The following PRDM13 variants were observed in gnomAD, a reference collection of about 807,000 sequenced individuals.
PRDM13 encodes PR domain zinc finger protein 13.
A neutral mutation model predicts 36.4 loss-of-function variants in PRDM13; 15 were observed. The observed-to-expected ratio is 0.41, with a 90% CI of 0.28 to 0.64. The LOEUF (loss-of-function observed/expected upper bound fraction) is 0.64, where lower values mean the gene tolerates loss of function less well. Ranked by LOEUF, PRDM13 falls within the 30% of genes least tolerant of loss-of-function variation. The probability of loss-of-function intolerance (pLI) is 0.29; values close to 1 mark genes in which losing one functional copy is unlikely to be tolerated. For synonymous variants in PRDM13, 531 were observed against 467.7 expected, an observed-to-expected ratio of 1.14 and a Z score of -1.75; for missense variants, 1,044 against 1,013.5, an observed-to-expected ratio of 1.03 and a Z score of -0.41.
chr6:99,611,297 C>T (rs1210825138), intron 3 of PRDM13, among the ~76,000 whole-genome samples: 2 of 152,062 alleles, frequency 1.3e-5, no homozygotes, highest in African/African-American at 4.8e-5. Context: ...TTGCATTGAG[C>T]TGAGTCATTC....
In PRDM13 at chr6:99,607,026, G is replaced by C; in HGVS notation, c.-9G>C. On this transcript the variant is annotated 5_prime_UTR_variant, in exon 1 of 4. Coordinates refer to ENST00000369215, the MANE Select transcript of PRDM13 (RefSeq NM_021620.4). ...GCACCCGAGCGCCTGCCTGGTGGCG[G>C]CGGCAACAATGCACGGAGCCGCCAG... 1 of 1,604,444 alleles carries C rather than the reference G, an allele frequency of 6.2e-7. No homozygotes were observed. Among genetic ancestry groups the C allele is most frequent in the Non-Finnish European group, 8.5e-7 (1 of 1,174,762 alleles).
intron 3 of PRDM13, 49 bp from the exon 4 acceptor site, chr6:99,612,984 T>C: frequency 6.2e-7 from 1 of 1,602,680 alleles, no homozygotes; most frequent in Non-Finnish European, 8.5e-7. Flanking sequence ...TCTTTATGTC[T>C]CGCTTGTTCG....
rs1769988818 is a variant in PRDM13, at chr6:99,608,721, G to T, written c.145-20G>T. 1.9e-6 allele frequency: 3 copies of T among 1,593,080 alleles called. No homozygotes were observed. Among genetic ancestry groups the T allele is most frequent in the Non-Finnish European group, 2.6e-6 (3 of 1,168,712 alleles). On this transcript the variant is annotated intron_variant, in intron 1 of 3. Transcript: ENST00000369215. ...GCCTGGCCAAGGTGCGGGGGAGAAC[G>T]ACCACTGCTTGTGTTGCAGGTGCGC...
rs773940126 is a variant in PRDM13, at chr6:99,613,268, C to A, written c.633C>A (p.His211Gln). Residue 211 changes from histidine (H) to glutamine (Q), a missense_variant, in exon 4 of 4, where the codon CAC becomes CAA. By Grantham distance (24) the His-to-Gln change is conservative (BLOSUM62 0). Around this residue, in one of 3 missense-constraint regions of PRDM13, gnomAD observed 921 missense variants for 865.2 expected, o/e 1.06. Coordinates refer to ENST00000369215, the MANE Select transcript of PRDM13 (RefSeq NM_021620.4). The surrounding 1 kb of genome is among the most constrained non-coding windows in gnomAD (Gnocchi z 6.1). ...CCCAGGCAGGAACTTTGCGACCCCA[C>A]CCCCTGGGCCCGCCACCAGTTCAGG... ...APSQAGTLRPHPLGPPPVQAC... is the reference protein window; with the variant it reads ...APSQAGTLRPQPLGPPPVQAC... 2 of 1,597,596 alleles carry A rather than the reference C, an allele frequency of 1.3e-6. No individual in the cohort carries two copies. Among genetic ancestry groups the A allele is most frequent in the South Asian group, 2.2e-5 (2 of 89,110 alleles).
Position 99,614,526 on chromosome 6 carries a change from C to G in PRDM13, c.1891C>G (p.Arg631Gly). The G allele has an allele frequency of 6.2e-7, 1 of 1,613,186 alleles. No individual in the cohort carries two copies. The highest frequency in any genetic ancestry group is 1.1e-5 in the South Asian group (1 of 91,084). ...RLHAEGNTPY[R>G]CEFCGKVLVR... ...GCACGCCGAGGGCAATACGCCCTAC[C>G]GCTGCGAGTTCTGCGGCAAGGTACT... The change falls in exon 4 of 4, where the codon CGC becomes GGC. Residue 631 changes from arginine to glycine, a missense_variant. Coordinates refer to ENST00000369215, the MANE Select transcript of PRDM13 (RefSeq NM_021620.4).
Position 99,607,185 on chromosome 6 carries a change from A to T in PRDM13, c.144+7A>T. On this transcript the variant is annotated splice_region_variant and intron_variant, in intron 1 of 3. Coordinates refer to ENST00000369215, the MANE Select transcript of PRDM13 (RefSeq NM_021620.4). ...GCCCGGGCCTAAGAAAAAGGTATTGACCATTCAGACCTCTGCCCACTGCCA... is the reference window on the plus strand; with the variant it reads ...GCCCGGGCCTAAGAAAAAGGTATTGTCCATTCAGACCTCTGCCCACTGCCA... 2 of 1,612,986 alleles carry T rather than the reference A, an allele frequency of 1.2e-6. No individual in the cohort carries two copies. The highest frequency in any genetic ancestry group is 2.2e-5 in the South Asian group (2 of 90,986).
chr6:99,610,823 T>G (rs1770019712), intron 3 of PRDM13, among the ~76,000 whole-genome samples: 1 of 152,208 alleles, frequency 6.6e-6, no homozygotes, highest in African/African-American at 2.4e-5. Flanking sequence ...ACACCCTTTC[T>G]TAGGTAGTCC....
At chr6:99,607,426 T>G (rs1312034935) in intron 1 of PRDM13, among the ~76,000 whole-genome samples, 2 of 152,010 alleles carry the variant, frequency 1.3e-5, no homozygotes, top group African/African-American at 2.4e-5. Flanking sequence ...CTGAGCGCTG[T>G]AGGTGCCGGG....
In PRDM13 at chr6:99,614,759, A is replaced by G. The variant is rs1335305443; in HGVS notation, c.2124A>G (p.Ter708=). Reference sequence around the variant, plus strand: ...GGGGCGGCGGGGAGCGCGACTTGTAACGAGTCTTCCCGGGAAGGGGCGGGG... The same window carrying G: ...GGGGCGGCGGGGAGCGCGACTTGTAGCGAGTCTTCCCGGGAAGGGGCGGGG... ...EVGGGGERDL[*] The change falls in exon 4 of 4, where the codon TAA becomes TAG. Residue 708 remains the stop codon, a stop_retained_variant. Coordinates refer to ENST00000369215, the MANE Select transcript of PRDM13 (RefSeq NM_021620.4). The G allele has an allele frequency of 6.4e-7, 1 of 1,564,080 alleles. No homozygotes were observed. The highest frequency in any genetic ancestry group is 2.3e-5 in the East Asian group (1 of 44,412).
rs1461616404 is a variant in PRDM13 at position 99,613,279 on chromosome 6, C to A, written c.644C>A (p.Pro215Gln). 9.4e-6 allele frequency: 15 copies of A among 1,592,752 alleles called. No individual in the cohort carries two copies. Among genetic ancestry groups the A allele is most frequent in the African/African-American group, 1.3e-5 (1 of 74,588 alleles). ...ACTTTGCGACCCCACCCCCTGGGCC[C>A]GCCACCAGTTCAGGCCTGCGGTGCG... ...AGTLRPHPLG[P>Q]PPVQACGARE... The change falls in exon 4 of 4, where the codon CCG (proline) becomes CAG (glutamine). Residue 215 changes from proline to glutamine, a missense_variant. By Grantham distance (76) the Pro-to-Gln change is moderately conservative. This residue lies in a region of PRDM13 where 921 missense variants were observed against 865.2 expected (regional missense o/e 1.06). Coordinates refer to ENST00000369215, the MANE Select transcript of PRDM13 (RefSeq NM_021620.4). The surrounding 1 kb of genome is among the most constrained non-coding windows in gnomAD (Gnocchi z 6.1).
At chr6:99,608,895 C>G (rs200753066) in intron 2 of PRDM13, 23 bp downstream of exon 2, 203 of 1,593,330 alleles carry the variant, frequency 1.3e-4, no homozygotes, top group Non-Finnish European at 1.6e-4. Flanking sequence ...TCTCTCCACA[C>G]CCCCCCACTC....
chr6:99,612,929 AC>A (rs1376539446), intron 3 of PRDM13, 103 bp from the exon 4 acceptor site: 30 of 1,529,728 alleles, frequency 2.0e-5, no homozygotes, highest in Non-Finnish European at 2.6e-5. Flanking sequence ...CTCTCCCCAC[AC>A]CGCTAGTCGA....
chr6:99,614,587 C>T lies in PRDM13; in HGVS notation c.1952C>T (p.Ser651Phe). The T allele has an allele frequency of 1.2e-6, 2 of 1,612,646 alleles. No homozygotes were observed. The highest frequency in any genetic ancestry group is 1.7e-6 in the Non-Finnish European group (2 of 1,179,858). ...RRRDLERHVKSRHPGQSLLAK... is the reference protein window; with the variant it reads ...RRRDLERHVKFRHPGQSLLAK... Reference sequence around the variant, plus strand: ...CGGGACCTGGAGCGACATGTCAAGTCCCGCCACCCTGGCCAGAGTCTGCTC... The same window carrying T: ...CGGGACCTGGAGCGACATGTCAAGTTCCGCCACCCTGGCCAGAGTCTGCTC... Residue 651 changes from serine (S) to phenylalanine (F), a missense_variant, in exon 4 of 4, where the codon TCC becomes TTC. This residue lies in a region of PRDM13 where 115 missense variants were observed against 122.1 expected (regional missense o/e 0.94). Transcript: ENST00000369215.
Position 99,613,215 on chromosome 6 carries a change from C to T in PRDM13, c.580C>T (p.Pro194Ser), listed in dbSNP as rs780201830. ...TGATGGCCTCGGTCTCTCCCCAAAA[C>T]CCCCGGCGCCCGATTTCGCCGCGCC... Reference protein sequence around the residue: ...AADGLGLSPKPPAPDFAAPSQ... With the variant: ...AADGLGLSPKSPAPDFAAPSQ... The change falls in exon 4 of 4, where the codon CCC becomes TCC. Residue 194 changes from proline (P) to serine (S), a missense_variant. Physicochemically the swap from Pro to Ser is moderately conservative, Grantham distance 74 (BLOSUM62 -1). Around this residue, in one of 3 missense-constraint regions of PRDM13, gnomAD observed 921 missense variants for 865.2 expected, o/e 1.06. Transcript: ENST00000369215. This position sits in a 1 kb window ranked among gnomAD's most constrained non-coding sequence, Gnocchi z 6.1. 5 of 1,611,634 alleles carry T rather than the reference C, an allele frequency of 3.1e-6. No homozygotes were observed. Among genetic ancestry groups the T allele is most frequent in the East Asian group, 2.2e-5 (1 of 44,882 alleles).
chr6:99,613,419 A>G lies in PRDM13; in HGVS notation c.784A>G (p.Ser262Gly), dbSNP rs756536015. 3 of 1,554,748 alleles carry G rather than the reference A, an allele frequency of 1.9e-6. No individual in the cohort carries two copies. Among genetic ancestry groups the G allele is most frequent in the Non-Finnish European group, 1.7e-6 (2 of 1,158,060 alleles). ...GCAGCTGGACCGTGCCCTGGACATG[A>G]GCGGAGCCGCCCGAGGACAAGGGCA... The part of the protein sequence containing the change: ...KEQLDRALDM[S>G]GAARGQGHFL... Residue 262 changes from serine to glycine, a missense_variant, in exon 4 of 4, where the codon AGC becomes GGC. This residue lies in a region of PRDM13 where 921 missense variants were observed against 865.2 expected (regional missense o/e 1.06). Transcript: ENST00000369215. This position sits in a 1 kb window ranked among gnomAD's most constrained non-coding sequence, Gnocchi z 6.1.
chr6:99,609,513 G>C (rs1224414917), intron 3 of PRDM13, among the ~76,000 whole-genome samples: 1 of 152,022 alleles, frequency 6.6e-6, no homozygotes, highest in Non-Finnish European at 1.5e-5. Context: ...ACAATGGCAG[G>C]GGAAAAAGTA....
chr6:99,608,813 G>A lies in PRDM13; in HGVS notation c.217G>A (p.Ala73Thr). ...SPLEWIGLIRAARNSQEQTLE... is the reference protein window; with the variant it reads ...SPLEWIGLIRTARNSQEQTLE... The stretch of plus-strand genomic sequence containing the variant: ...TCTGGAGTGGATAGGGTTAATCCGG[G>A]CAGCCAGAAACTCCCAGGAACAGAC... Residue 73 changes from alanine to threonine, a missense_variant, in exon 2 of 4, where the codon GCA becomes ACA. By Grantham distance (58) the Ala-to-Thr change is moderately conservative. Transcript: ENST00000369215. 1 of 1,613,876 alleles carries A rather than the reference G, an allele frequency of 6.2e-7. No homozygotes were observed. The highest frequency in any genetic ancestry group is 8.5e-7 in the Non-Finnish European group (1 of 1,179,954).
At chr6:99,612,050 TAA>T (rs961722561) in intron 3 of PRDM13, among the ~76,000 whole-genome samples, 3 of 152,150 alleles carry the variant, frequency 2.0e-5, no homozygotes, top group African/African-American at 7.2e-5. Flanking sequence ...ACTAAACACA[TAA>T]AAAGATTTCA....
chr6:99,608,649 C>G, intron 1 of PRDM13, 92 bp from the exon 2 acceptor site: 1 of 1,493,118 alleles, frequency 6.7e-7, no homozygotes, highest in East Asian at 2.4e-5. Flanking sequence ...CAACCACTTT[C>G]CTGTGTTGGG....
Sources: allele counts gnomAD v4.1 joint callset (sites outside exome capture counted in the v4.1 genomes callset), GRCh38; gene constraint gnomAD v4.1.1; regional missense constraint gnomAD v4.1.1; non-coding constraint Gnocchi (gnomAD v3.1); transcripts MANE v1.5; gene names NCBI Gene and HGNC (gene_info 2026-07-23, HGNC 2026-07-21).